Variants in SH3RF3 observed in about 807,000 individuals in gnomAD.
The protein encoded by SH3RF3 is E3 ubiquitin-protein ligase SH3RF3.
A neutral mutation model predicts 66.3 loss-of-function variants in SH3RF3; 29 were observed. The ratio of observed to expected loss-of-function variants is 0.44; its 90% CI spans 0.33 to 0.60. The LOEUF is 0.60. Ranked by LOEUF, SH3RF3 falls within the 20% of genes least tolerant of loss-of-function variation. The probability of loss-of-function intolerance (pLI) is 0.04; values close to 1 mark genes in which losing one functional copy is unlikely to be tolerated. For missense variants in SH3RF3, 1,194 were observed against 1,190.9 expected (o/e 1.00, Z -0.04); for synonymous variants, 583 against 532.0 (o/e 1.10, Z -1.32).
At chr2:109,361,548 A>G (rs1683051085) in intron 2 of SH3RF3, among the ~76,000 whole-genome samples, 2 of 152,128 alleles carry the variant, frequency 1.3e-5, no homozygotes, top group African/African-American at 4.8e-5. Context: ...ATCTTGGCTC[A>G]TTGCAACCTC....
At chr2:109,320,471 A>G (rs914075191) in intron 1 of SH3RF3, among the ~76,000 whole-genome samples, 11 of 152,062 alleles carry the variant, frequency 7.2e-5, no homozygotes, top group Admixed American at 7.2e-4. Flanking sequence ...CTTCCTCCTC[A>G]CGTCTTCTTA....
intron 8 of SH3RF3, among the ~76,000 whole-genome samples, chr2:109,462,675 C>T (rs72947132): frequency 2.0e-5 from 3 of 152,328 alleles, no homozygotes; most frequent in Non-Finnish European, 2.9e-5. Context: ...TGCATAACAG[C>T]CCTCTCTCCA....
intron 3 of SH3RF3, among the ~76,000 whole-genome samples, chr2:109,377,792 C>T (rs1285615646): frequency 6.6e-6 from 1 of 152,196 alleles, no homozygotes; most frequent in African/African-American, 2.4e-5. Context: ...AGCTCAGTTC[C>T]TCCTGCTCCT....
At chr2:109,134,720 C>T (rs1676778928) in intron 1 of SH3RF3, among the ~76,000 whole-genome samples, 1 of 152,174 alleles carries the variant, frequency 6.6e-6, no homozygotes. Context: ...AGTCCTCTTA[C>T]TCTACCACAG....
At chr2:109,410,753 C>A (rs111353921) in intron 4 of SH3RF3, among the ~76,000 whole-genome samples, 3 of 152,202 alleles carry the variant, frequency 2.0e-5, no homozygotes, top group Non-Finnish European at 4.4e-5. Flanking sequence ...GTGGTGCAAA[C>A]GTACTTTATT....
chr2:109,415,189 G>A (rs1426891698), intron 4 of SH3RF3, among the ~76,000 whole-genome samples: 2 of 152,232 alleles, frequency 1.3e-5, no homozygotes, highest in Non-Finnish European at 1.5e-5. Flanking sequence ...ACACAGCCCT[G>A]CCACACCTTG....
intron 1 of SH3RF3, among the ~76,000 whole-genome samples, chr2:109,291,989 G>A (rs992718151): frequency 1.4e-4 from 21 of 152,100 alleles, no homozygotes; most frequent in African/African-American, 3.9e-4. Flanking sequence ...TCAGCCTCTC[G>A]AGTAGCTGGG....
intron 5 of SH3RF3, among the ~76,000 whole-genome samples, chr2:109,430,247 C>T: frequency 6.6e-6 from 1 of 152,260 alleles, no homozygotes; most frequent in East Asian, 1.9e-4. Context: ...CTGAAGCAAA[C>T]TGTTTTGACA....
chr2:109,249,449 C>CTCTCTCTT (rs1196382097), intron 1 of SH3RF3, among the ~76,000 whole-genome samples: 1 of 150,138 alleles, frequency 6.7e-6, no homozygotes. Flanking sequence ...CACCAGATCT[C>CTCTCTCTT]TCTCTCTTTC....
chr2:109,174,118 A>G (rs892067323), intron 1 of SH3RF3, among the ~76,000 whole-genome samples: 3 of 152,220 alleles, frequency 2.0e-5, no homozygotes, highest in African/African-American at 7.2e-5. Context: ...TCAGGACAGC[A>G]GGGCTGTGCC....
intron 1 of SH3RF3, among the ~76,000 whole-genome samples, chr2:109,134,254 C>T (rs541672295): frequency 3.7e-4 from 56 of 152,236 alleles, no homozygotes; most frequent in African/African-American, 9.2e-4. Context: ...TCTGTTCCTC[C>T]GCCCTTCTGT....
chr2:109,382,227 C>T (rs895617568), intron 3 of SH3RF3, among the ~76,000 whole-genome samples: 2 of 152,138 alleles, frequency 1.3e-5, no homozygotes, highest in African/African-American at 4.8e-5. Context: ...CATGCCAGCA[C>T]ATAGGTAACT....
At chr2:109,382,356 G>A (rs1040926243) in intron 3 of SH3RF3, among the ~76,000 whole-genome samples, 114 of 142,184 alleles carry the variant, frequency 8.0e-4, no homozygotes, top group Non-Finnish European at 1.6e-3. Flanking sequence ...TGCTGCAGTG[G>A]GGCTGACTCA....
Position 109,487,704 on chromosome 2 carries a change from G to A in SH3RF3, c.2149-2901G>A, listed in dbSNP as rs879765850. Reference sequence around the variant, plus strand: ...CGTCTCCAGCTCCACCATACCCCACGTCCAGGCCCACAGGGCCCAAGGTGC... The same window carrying A: ...CGTCTCCAGCTCCACCATACCCCACATCCAGGCCCACAGGGCCCAAGGTGC... On this transcript the variant is annotated intron_variant, in intron 8 of 9. Coordinates refer to ENST00000309415, the MANE Select transcript of SH3RF3 (RefSeq NM_001099289.3). Among the ~76,000 whole-genome samples the A allele has an allele frequency of 1.2e-4, 19 of 152,168 alleles. No individual in the cohort carries two copies. The East Asian group carries it at 1.6e-3, about 12-fold the overall frequency.
At chr2:109,474,294 G>C (rs934159980) in intron 8 of SH3RF3, among the ~76,000 whole-genome samples, 11 of 152,166 alleles carry the variant, frequency 7.2e-5, no homozygotes, top group African/African-American at 2.4e-4. Context: ...TTTTGAGCCG[G>C]ACAGTTAGTT....
At chr2:109,235,021 T>C (rs987458397) in intron 1 of SH3RF3, among the ~76,000 whole-genome samples, 2 of 152,228 alleles carry the variant, frequency 1.3e-5, no homozygotes, top group African/African-American at 4.8e-5. Flanking sequence ...CTTTAGAAGC[T>C]GCCCTGGTCC....
At chr2:109,131,146 C>G (rs1676683887) in intron 1 of SH3RF3, among the ~76,000 whole-genome samples, 1 of 152,166 alleles carries the variant, frequency 6.6e-6, no homozygotes, top group East Asian at 1.9e-4. Context: ...TGGGAACATT[C>G]TAGCACCTGG....
chr2:109,246,722 A>G (rs1574526514), intron 1 of SH3RF3, among the ~76,000 whole-genome samples: 1 of 152,240 alleles, frequency 6.6e-6, no homozygotes, highest in African/African-American at 2.4e-5. Flanking sequence ...CTCTGCTCAG[A>G]TGGACTGGGA....
chr2:109,346,902 C>A (rs1393388835), intron 1 of SH3RF3, among the ~76,000 whole-genome samples: 2 of 152,190 alleles, frequency 1.3e-5, no homozygotes, highest in Non-Finnish European at 2.9e-5. Context: ...CAAGTACATG[C>A]AGCAGAAAGC....
Sources: gnomAD v4.1 joint callset for allele counts (sites outside exome capture counted in the v4.1 genomes callset) on GRCh38, gnomAD v4.1.1 for gene constraint, MANE v1.5 for transcripts, NCBI Gene and HGNC (gene_info 2026-07-23, HGNC 2026-07-21) for gene names.